Variants in THSD7A observed in about 807,000 individuals in gnomAD.
The protein encoded by THSD7A is thrombospondin type 1 domain containing 7A.
THSD7A carries 96 observed loss-of-function variants against 231.3 expected under a neutral mutation model. The observed-to-expected ratio is 0.41, with a 90% CI of 0.35 to 0.49. The LOEUF is 0.49. Among genes scored for constraint, THSD7A ranks in the 20% least tolerant of loss-of-function variants. The pLI is 0.05. For synonymous variants in THSD7A, 940 were observed against 743.3 expected, an observed-to-expected ratio of 1.26 and a Z score of -4.30; for missense variants, 2,290 against 2,070.2, an observed-to-expected ratio of 1.11 and a Z score of -2.06.
At chr7:11,437,737 T>C (rs7794215) in intron 13 of THSD7A, among the ~76,000 whole-genome samples, 40,088 of 151,928 alleles carry the variant, frequency 0.26, 6,648 homozygotes, top group African/African-American at 0.46. Flanking sequence ...GAGTATCCAC[T>C]ATGATAAGGA....
chr7:11,825,944 C>A (rs999510718), intron 1 of THSD7A, among the ~76,000 whole-genome samples: 1 of 152,112 alleles, frequency 6.6e-6, no homozygotes, highest in Non-Finnish European at 1.5e-5. Context: ...CATTTTATGA[C>A]TACCTGGAAT....
At chr7:11,567,269 C>A (rs755142392) in intron 4 of THSD7A, among the ~76,000 whole-genome samples, 2 of 152,044 alleles carry the variant, frequency 1.3e-5, no homozygotes, top group Non-Finnish European at 2.9e-5. Context: ...ACACTTCCCC[C>A]TCAAGGCAGC....
intron 1 of THSD7A, among the ~76,000 whole-genome samples, chr7:11,656,072 C>A (rs1220210268): frequency 6.6e-6 from 1 of 151,830 alleles, no homozygotes; most frequent in Non-Finnish European, 1.5e-5. Flanking sequence ...AGTTATCACA[C>A]CCACAAAGTT....
At position 11,784,007 on chromosome 7, in the gene THSD7A, A is replaced by G. The variant is rs189746226; in HGVS notation, c.190+47750T>C. On this transcript the variant is annotated intron_variant, in intron 1 of 27. Coordinates refer to ENST00000423059, the MANE Select transcript of THSD7A (RefSeq NM_015204.3). ...CTATACTTATTAGTTTTTTAAATGT[A>G]AAAAGTTTTTAAAAATTCCTTTTGA... 2.4e-3 allele frequency among the ~76,000 whole-genome samples: 372 copies of G among 152,174 alleles called. 2 individuals are homozygous for G. The highest frequency in any genetic ancestry group is 2.1e-3 in the Non-Finnish European group (143 of 67,968).
chr7:11,790,599 T>A (rs908027311), intron 1 of THSD7A, among the ~76,000 whole-genome samples: 2 of 151,984 alleles, frequency 1.3e-5, no homozygotes, highest in Non-Finnish European at 2.9e-5. Context: ...TAAAAATGTT[T>A]CTTAAATTTT....
intron 1 of THSD7A, among the ~76,000 whole-genome samples, chr7:11,733,511 A>T (rs570361024): frequency 1.3e-5 from 2 of 151,948 alleles, no homozygotes; most frequent in African/African-American, 4.8e-5. Flanking sequence ...TCTTCCATTT[A>T]GGTGTTTTGA....
At chr7:11,428,515 A>T (rs896281337) in intron 14 of THSD7A, among the ~76,000 whole-genome samples, 3 of 152,188 alleles carry the variant, frequency 2.0e-5, no homozygotes, top group Admixed American at 2.0e-4. Context: ...AATAAACAGT[A>T]TATATTTTTC....
chr7:11,623,546 T>C (rs1343208535), intron 2 of THSD7A, among the ~76,000 whole-genome samples: 1 of 152,086 alleles, frequency 6.6e-6, no homozygotes. Context: ...AAAAGAATGC[T>C]ATGCCACACC....
chr7:11,773,105 T>C (rs1316248172), intron 1 of THSD7A, among the ~76,000 whole-genome samples: 2 of 152,176 alleles, frequency 1.3e-5, no homozygotes, highest in Non-Finnish European at 2.9e-5. Flanking sequence ...CCCCATCATA[T>C]GTTTGCTTGC....
intron 1 of THSD7A, among the ~76,000 whole-genome samples, chr7:11,752,829 G>T (rs991042524): frequency 2.0e-5 from 3 of 152,040 alleles, no homozygotes; most frequent in African/African-American, 7.2e-5. Context: ...AAGAGGCTGA[G>T]TTGAGAGGAT....
chr7:11,562,281 T>A (rs201435945), intron 4 of THSD7A, among the ~76,000 whole-genome samples: 2 of 107,074 alleles, frequency 1.9e-5, no homozygotes, highest in African/African-American at 6.8e-5. Flanking sequence ...AAATATATCT[T>A]TGAATTCTCA....
rs995005389 is a variant in THSD7A at position 11,832,100 on chromosome 7, C to G, written c.-154G>C. On this transcript the variant is annotated 5_prime_UTR_variant, in exon 1 of 28. Transcript: ENST00000423059. ...AGAAGGAGGGAGAGCGCGTCTAACA[C>G]CAGGGAACAATAGCGTCCGCGGTGG... The G allele has an allele frequency of 8.4e-6, 4 of 475,784 alleles. No homozygotes were observed. The highest frequency in any genetic ancestry group is 6.1e-5 in the African/African-American group (3 of 48,882). 29.5% of individuals were successfully genotyped at this position (475,784 alleles called of 1,614,324 possible). A position where few individuals can be genotyped will look rare whatever the true frequency, so the allele number is the denominator to read the frequency against.
At chr7:11,609,910 A>G (rs1422705800) in intron 2 of THSD7A, among the ~76,000 whole-genome samples, 1 of 152,126 alleles carries the variant, frequency 6.6e-6, no homozygotes, top group African/African-American at 2.4e-5. Context: ...TCCTTTGTTA[A>G]ATGATCTTGA....
chr7:11,774,684 T>G (rs762709960), intron 1 of THSD7A, among the ~76,000 whole-genome samples: 44 of 152,336 alleles, frequency 2.9e-4, no homozygotes, highest in African/African-American at 1.0e-3. Flanking sequence ...TCAATAAAGT[T>G]GTTAAAAAAT....
intron 1 of THSD7A, among the ~76,000 whole-genome samples, chr7:11,657,625 T>C (rs1367920642): frequency 2.0e-5 from 3 of 151,840 alleles, no homozygotes; most frequent in African/African-American, 7.2e-5. Flanking sequence ...TTTTGACACA[T>C]AGTTATATTG....
chr7:11,595,412 C>A (rs1320921230), intron 2 of THSD7A, among the ~76,000 whole-genome samples: 1 of 151,944 alleles, frequency 6.6e-6, no homozygotes, highest in Non-Finnish European at 1.5e-5. Flanking sequence ...TTTGGGCCCA[C>A]TAAGTAGGGA....
chr7:11,645,416 G>C (rs1782240517), intron 1 of THSD7A, among the ~76,000 whole-genome samples: 1 of 151,716 alleles, frequency 6.6e-6, no homozygotes, highest in African/African-American at 2.4e-5. Context: ...CTTTCATTGA[G>C]TTTTAAGGCT....
intron 6 of THSD7A, among the ~76,000 whole-genome samples, chr7:11,497,600 T>G (rs759804923): frequency 2.6e-5 from 4 of 152,194 alleles, no homozygotes; most frequent in Non-Finnish European, 5.9e-5. Flanking sequence ...CAATAATCTT[T>G]AATACATAAT....
chr7:11,450,254 A>G (rs1040316765), intron 11 of THSD7A, among the ~76,000 whole-genome samples: 3 of 152,086 alleles, frequency 2.0e-5, no homozygotes, highest in African/African-American at 7.2e-5. Context: ...TACTATTCAC[A>G]TAAACTGGAA....
Sources: allele counts gnomAD v4.1 joint callset (sites outside exome capture counted in the v4.1 genomes callset), GRCh38; gene constraint gnomAD v4.1.1; transcripts MANE v1.5; gene names NCBI Gene and HGNC (gene_info 2026-07-23, HGNC 2026-07-21).